The following NLK variants were observed in gnomAD, a reference collection of about 807,000 sequenced individuals.
NLK encodes the protein nemo like kinase, also known as serine/threonine-protein kinase NLK.
Under a neutral mutation model 59.0 loss-of-function variants are expected in NLK, and 11 were observed. The observed-to-expected ratio is 0.19, with a 90% CI of 0.12 to 0.31. NLK has a LOEUF of 0.31. Ranked by LOEUF, NLK falls within the 10% of genes least tolerant of loss-of-function variation. The pLI is 1.00. For missense variants in NLK, 410 were observed against 661.1 expected (o/e 0.62, Z 4.16); for synonymous variants, 235 against 235.9 (o/e 1.00, Z 0.03).
In NLK at chr17:28,094,280, C is replaced by T. The variant is rs143254674; in HGVS notation, c.459-28323C>T. 9.5e-3 allele frequency among the ~76,000 whole-genome samples: 1,452 copies of T among 152,320 alleles called. 17 individuals are homozygous for T. Among genetic ancestry groups the T allele is most frequent in the Middle Eastern group, 0.031 (9 of 294 alleles). On this transcript the variant is annotated intron_variant, in intron 1 of 10. Transcript: ENST00000407008. ...CCCCAAAACAAAACCAAATTACCCA[C>T]GTAGTTTGAGAGATGATGTCAGATT...
chr17:28,065,441 G>A (rs1478424196), intron 1 of NLK, among the ~76,000 whole-genome samples: 1 of 152,144 alleles, frequency 6.6e-6, no homozygotes, highest in African/African-American at 2.4e-5. Context: ...TAGGATGAAT[G>A]TGATCGCTAA....
intron 1 of NLK, among the ~76,000 whole-genome samples, chr17:28,108,025 G>C (rs918696753): frequency 6.6e-6 from 1 of 152,146 alleles, no homozygotes; most frequent in Non-Finnish European, 1.5e-5. Context: ...CTTGAGGTCA[G>C]GAGTTTGAGC....
rs187842569 is a variant in NLK at position 28,124,111 on chromosome 17, A to G, written c.588+1379A>G. Among the ~76,000 whole-genome samples, 43 of 152,342 alleles carry G rather than the reference A, an allele frequency of 2.8e-4. No individual in the cohort carries two copies. In the East Asian group the frequency reaches 6.7e-3, roughly 24 times the overall value. On this transcript the variant is annotated intron_variant, in intron 2 of 10. Transcript: ENST00000407008. ...TTCACTCGAAGCTCCTTGGTTTGAC[A>G]TATTTCATTTTAATGATTATTCCTC...
intron 7 of NLK, among the ~76,000 whole-genome samples, chr17:28,172,843 A>G (rs1373274126): frequency 6.6e-6 from 1 of 152,188 alleles, no homozygotes; most frequent in Admixed American, 6.6e-5. Context: ...CTCCTTTGCT[A>G]ATAGATGACC....
intron 1 of NLK, chr17:28,048,170 A>C (rs1288782900): frequency 2.6e-6 from 1 of 384,342 alleles, no homozygotes; most frequent in Non-Finnish European, 4.6e-6. Context: ...CATAAAGTAG[A>C]TAAAGAGTAG....
At chr17:28,072,902 T>G (rs1567706315) in intron 1 of NLK, among the ~76,000 whole-genome samples, 1 of 152,194 alleles carries the variant, frequency 6.6e-6, no homozygotes, top group Non-Finnish European at 1.5e-5. Context: ...CTGCTGTCTT[T>G]GTTGGTCTAA....
chr17:28,150,137 C>G (rs1264677401), intron 3 of NLK, among the ~76,000 whole-genome samples: 1 of 152,114 alleles, frequency 6.6e-6, no homozygotes, highest in Non-Finnish European at 1.5e-5. Context: ...CCTCAGTGTG[C>G]TTATTTCTTA....
chr17:28,151,891 G>C (rs1907495953), intron 3 of NLK, among the ~76,000 whole-genome samples: 1 of 152,158 alleles, frequency 6.6e-6, no homozygotes, highest in African/African-American at 2.4e-5. Context: ...ATGCCTGCTA[G>C]TTTATATTTT....
At chr17:28,119,735 A>G (rs1167165397) in intron 1 of NLK, among the ~76,000 whole-genome samples, 1 of 152,246 alleles carries the variant, frequency 6.6e-6, no homozygotes, top group African/African-American at 2.4e-5. Flanking sequence ...AGGGAAAAAA[A>G]TAGTAACTTT....
intron 1 of NLK, among the ~76,000 whole-genome samples, chr17:28,081,253 C>T: frequency 6.6e-6 from 1 of 151,922 alleles, no homozygotes; most frequent in East Asian, 1.9e-4. Context: ...GGCTGGAGTG[C>T]AGCGGCGTGC....
chr17:28,191,837 C>T (rs1567743020), intron 9 of NLK, among the ~76,000 whole-genome samples: 1 of 152,180 alleles, frequency 6.6e-6, no homozygotes, highest in East Asian at 1.9e-4. Context: ...ACCCATAATG[C>T]CAAACCTGTG....
intron 6 of NLK, among the ~76,000 whole-genome samples, chr17:28,171,814 A>G (rs760622983): frequency 1.3e-5 from 2 of 152,188 alleles, no homozygotes; most frequent in Admixed American, 1.3e-4. Context: ...CTTAGATGCT[A>G]TGGTATCAAG....
intron 9 of NLK, 98 bp from the exon 10 acceptor site, chr17:28,192,022 G>T: frequency 1.6e-6 from 1 of 644,108 alleles, no homozygotes. Flanking sequence ...TAAACCAGTA[G>T]GCAGTGCTTT....
At chr17:28,119,917 C>A (rs1265245059) in intron 1 of NLK, among the ~76,000 whole-genome samples, 1 of 152,036 alleles carries the variant, frequency 6.6e-6, no homozygotes, top group Non-Finnish European at 1.5e-5. Flanking sequence ...ACAACAAACC[C>A]AAATTAAGGG....
Position 28,105,005 on chromosome 17 carries a change from G to T in NLK, c.459-17598G>T, listed in dbSNP as rs76298618. Among the ~76,000 whole-genome samples the T allele has an allele frequency of 1.2e-4, 19 of 152,166 alleles. No homozygotes were observed. The East Asian group carries it at 2.9e-3, about 23-fold the overall frequency. On this transcript the variant is annotated intron_variant, in intron 1 of 10. Coordinates refer to ENST00000407008, the MANE Select transcript of NLK (RefSeq NM_016231.5). ...CCAGTTTTAGTTCTTTTTGACTCCCGTTTTAGTTTTATTTGACTTAGTAGC... is the reference window on the plus strand; with the variant it reads ...CCAGTTTTAGTTCTTTTTGACTCCCTTTTTAGTTTTATTTGACTTAGTAGC...
chr17:28,175,487 T>G (rs1376382493), intron 7 of NLK, among the ~76,000 whole-genome samples: 1 of 152,114 alleles, frequency 6.6e-6, no homozygotes, highest in African/African-American at 2.4e-5. Flanking sequence ...CAATCTCAGT[T>G]TCACCATGTT....
chr17:28,054,765 A>G (rs1356794285), intron 1 of NLK, among the ~76,000 whole-genome samples: 1 of 152,240 alleles, frequency 6.6e-6, no homozygotes, highest in Non-Finnish European at 1.5e-5. Context: ...TTAAAGGGAT[A>G]GTATGATTTA....
chr17:28,117,655 A>G (rs1371244871), intron 1 of NLK, among the ~76,000 whole-genome samples: 1 of 152,216 alleles, frequency 6.6e-6, no homozygotes, highest in Non-Finnish European at 1.5e-5. Flanking sequence ...TGGTTTAGCT[A>G]TCATATAAGG....
At chr17:28,132,989 C>G (rs1174394123) in intron 3 of NLK, among the ~76,000 whole-genome samples, 1 of 152,118 alleles carries the variant, frequency 6.6e-6, no homozygotes, top group Non-Finnish European at 1.5e-5. Context: ...GTAGTAGAAC[C>G]CAGGAAAGTG....
Sources: gnomAD v4.1 joint callset for allele counts (sites outside exome capture counted in the v4.1 genomes callset) on GRCh38, gnomAD v4.1.1 for gene constraint, MANE v1.5 for transcripts, NCBI Gene and HGNC (gene_info 2026-07-23, HGNC 2026-07-21) for gene names.